The following TAF4B variants were observed in gnomAD, a reference collection of about 807,000 sequenced individuals.
TAF4B encodes TATA-box binding protein associated factor 4b.
A neutral mutation model predicts 86.4 loss-of-function variants in TAF4B; 38 were observed. That is an observed-to-expected ratio of 0.44 (90% confidence interval 0.34 to 0.58). The LOEUF is 0.58. Among genes scored for constraint, TAF4B ranks in the 20% least tolerant of loss-of-function variants. The pLI, the probability that TAF4B is intolerant of heterozygous loss-of-function variation, is 0.02. For synonymous variants in TAF4B, 388 were observed against 391.2 expected (o/e 0.99, Z 0.10); for missense variants, 988 against 1,027.6 (o/e 0.96, Z 0.53).
chr18:26,274,871 C>G (rs758862683), intron 4 of TAF4B, 47 bp downstream of exon 4: 1 of 1,612,772 alleles, frequency 6.2e-7, no homozygotes, highest in Non-Finnish European at 8.5e-7. Flanking sequence ...CTTGCAAGTT[C>G]TTTTGAATTG....
At chr18:26,252,321 G>T (rs1598727104) in intron 1 of TAF4B, among the ~76,000 whole-genome samples, 1 of 152,036 alleles carries the variant, frequency 6.6e-6, no homozygotes, top group African/African-American at 2.4e-5. Flanking sequence ...TTCATTGCAA[G>T]TGTATAAAAA....
At chr18:26,385,833 T>C (rs1269902019) in intron 14 of TAF4B, among the ~76,000 whole-genome samples, 5 of 152,048 alleles carry the variant, frequency 3.3e-5, no homozygotes, top group Admixed American at 1.3e-4. Flanking sequence ...TTAAAACTGA[T>C]GGTGAAAAAG....
intron 1 of TAF4B, among the ~76,000 whole-genome samples, chr18:26,230,687 C>G (rs1455235450): frequency 1.3e-5 from 2 of 152,176 alleles, no homozygotes; most frequent in Non-Finnish European, 2.9e-5. Context: ...TGCTTTCACT[C>G]TCATAGTACT....
chr18:26,259,862 G>A (rs1350106809), intron 1 of TAF4B, among the ~76,000 whole-genome samples: 1 of 97,470 alleles, frequency 1.0e-5, no homozygotes, highest in Middle Eastern at 5.0e-3. Context: ...TTGCCACACT[G>A]TCTTCCACAA....
At chr18:26,322,954 A>G (rs2144679145) in intron 11 of TAF4B, among the ~76,000 whole-genome samples, 1 of 152,156 alleles carries the variant, frequency 6.6e-6, no homozygotes, top group African/African-American at 2.4e-5. Context: ...ATTTATCTTT[A>G]AATATTTTCT....
intron 12 of TAF4B, among the ~76,000 whole-genome samples, chr18:26,332,821 C>T (rs1273812391): frequency 3.9e-5 from 6 of 152,094 alleles, no homozygotes; most frequent in Non-Finnish European, 8.8e-5. Flanking sequence ...CGTGAGCCAC[C>T]GTGCCCAGCC....
chr18:26,356,040 G>T (rs2057286209), intron 13 of TAF4B, among the ~76,000 whole-genome samples: 1 of 152,124 alleles, frequency 6.6e-6, no homozygotes, highest in African/African-American at 2.4e-5. Context: ...CATTTGGGCT[G>T]CTATAATGAA....
In TAF4B at chr18:26,250,280, G is replaced by A. The variant is rs538073331; in HGVS notation, c.344-14890G>A. 3.3e-3 allele frequency among the ~76,000 whole-genome samples: 495 copies of A among 152,204 alleles called. 2 individuals carry two copies. The highest frequency in any genetic ancestry group is 5.4e-3 in the Non-Finnish European group (368 of 67,996). On this transcript the variant is annotated intron_variant, in intron 1 of 14. Coordinates refer to ENST00000269142, the MANE Select transcript of TAF4B (RefSeq NM_005640.3). ...TGGGAGGCCGAGGCAGGCGGATCAC[G>A]AGGTCAGGAGATCGAGACTGTCCTG... is the stretch of plus-strand genomic sequence containing the variant.
At chr18:26,334,280 A>G (rs1361273240) in intron 12 of TAF4B, among the ~76,000 whole-genome samples, 1 of 152,188 alleles carries the variant, frequency 6.6e-6, no homozygotes, top group Non-Finnish European at 1.5e-5. Flanking sequence ...TGGTAAATCA[A>G]TAAATGTATC....
intron 13 of TAF4B, among the ~76,000 whole-genome samples, chr18:26,351,323 A>G (rs187241104): frequency 1.3e-5 from 2 of 152,282 alleles, no homozygotes; most frequent in Non-Finnish European, 2.9e-5. Flanking sequence ...AGTTGGTCTC[A>G]TAGAAGTAAA....
At chr18:26,279,545 CAAAAAA>C (rs375937630) in intron 5 of TAF4B, among the ~76,000 whole-genome samples, 1 of 113,536 alleles carries the variant, frequency 8.8e-6, no homozygotes, top group South Asian at 3.1e-4. Context: ...CAATTAGAAG[CAAAAAA>C]AAAAAAAAAA....
At chr18:26,382,097 C>T (rs2057484068) in intron 14 of TAF4B, among the ~76,000 whole-genome samples, 1 of 152,134 alleles carries the variant, frequency 6.6e-6, no homozygotes, top group Non-Finnish European at 1.5e-5. Flanking sequence ...TTTTGAGGCA[C>T]AGCAACCCTT....
intron 7 of TAF4B, among the ~76,000 whole-genome samples, chr18:26,288,448 A>G (rs1264643856): frequency 6.6e-6 from 1 of 152,064 alleles, no homozygotes; most frequent in Non-Finnish European, 1.5e-5. Flanking sequence ...CAGCCTGCCC[A>G]ACATGGCAAA....
intron 9 of TAF4B, among the ~76,000 whole-genome samples, chr18:26,305,567 C>A (rs1203227319): frequency 6.6e-6 from 1 of 152,118 alleles, no homozygotes; most frequent in Admixed American, 6.6e-5. Flanking sequence ...CCACCACTCC[C>A]AGCTTATTTT....
chr18:26,327,251 G>C, intron 12 of TAF4B, 111 bp downstream of exon 12: 1 of 1,378,930 alleles, frequency 7.3e-7, no homozygotes, highest in Non-Finnish European at 9.6e-7. Flanking sequence ...TTCTCCAGAG[G>C]ATTTCCTAAA....
Position 26,327,151 on chromosome 18 carries a change from G to C in TAF4B, c.2259+11G>C. 1 of 1,608,740 alleles carries C rather than the reference G, an allele frequency of 6.2e-7. No individual in the cohort carries two copies. Among genetic ancestry groups the C allele is most frequent in the Non-Finnish European group, 8.5e-7 (1 of 1,179,114 alleles). On this transcript the variant is annotated intron_variant, in intron 12 of 14. Transcript: ENST00000269142. Reference sequence around the variant, plus strand: ...CTTAAGGCAGCCAAGGTAAGGGCCAGTGTGATTTATGAGTGAATGTGGCCT... The same window carrying C: ...CTTAAGGCAGCCAAGGTAAGGGCCACTGTGATTTATGAGTGAATGTGGCCT...
At chr18:26,326,980 C>A in intron 11 of TAF4B, 35 bp from the exon 12 acceptor site, 1 of 1,598,396 alleles carries the variant, frequency 6.3e-7, no homozygotes, top group South Asian at 1.1e-5. Flanking sequence ...GGCCCAGGAT[C>A]ATTATAAGAC....
At chr18:26,387,408 C>T (rs7236786) in intron 14 of TAF4B, among the ~76,000 whole-genome samples, 1 of 152,144 alleles carries the variant, frequency 6.6e-6, no homozygotes, top group East Asian at 1.9e-4. Context: ...TAGTAACTTT[C>T]TTCCTAATAT....
intron 14 of TAF4B, among the ~76,000 whole-genome samples, chr18:26,389,414 T>A (rs1356392075): frequency 1.3e-5 from 2 of 152,172 alleles, no homozygotes; most frequent in African/African-American, 4.8e-5. Context: ...TACAAAAGAC[T>A]GCATACATTT....
Sources: gnomAD v4.1 joint callset for allele counts (sites outside exome capture counted in the v4.1 genomes callset) on GRCh38, gnomAD v4.1.1 for gene constraint, MANE v1.5 for transcripts, NCBI Gene and HGNC (gene_info 2026-07-23, HGNC 2026-07-21) for gene names.